SAXO4: variants seen among roughly 807,000 people sequenced by gnomAD.
The protein encoded by SAXO4 is protein phosphatase 1 regulatory subunit 32.
the SAXO4 span, chr11:61,490,814 G>A: frequency 3.4e-4 from 197 of 574,076 alleles, no homozygotes; most frequent in Middle Eastern, 2.8e-3. Flanking sequence ...TCCTCTACAG[G>A]TTTGTCAATC....
At chr11:61,485,264 C>T in the SAXO4 span, 1 of 1,355,520 alleles carries the variant, frequency 7.4e-7, no homozygotes. Context: ...ACCGAGGCGC[C>T]ACTCCACCGC....
chr11:61,486,355 A>G, the SAXO4 span: 3 of 1,613,908 alleles, frequency 1.9e-6, no homozygotes, highest in Non-Finnish European at 2.5e-6. Flanking sequence ...CCCTCCTCCC[A>G]GGCCAGAGTG....
chr11:61,484,731 C>A, the SAXO4 span: 1 of 1,613,696 alleles, frequency 6.2e-7, no homozygotes, highest in African/African-American at 1.3e-5. Flanking sequence ...GGGCCTCAGG[C>A]CATCACGGGG....
At chr11:61,490,014 T>C in the SAXO4 span, 11 of 1,452,940 alleles carry the variant, frequency 7.6e-6, no homozygotes, top group Admixed American at 5.9e-5. Flanking sequence ...GGCCTTTCCC[T>C]TCCTCTCCTC....
the SAXO4 span, chr11:61,484,904 G>T: frequency 6.9e-7 from 1 of 1,453,108 alleles, no homozygotes; most frequent in South Asian, 1.4e-5. Context: ...GTATTGCACT[G>T]ACTCACCCAA....
At chr11:61,481,401 C>T in the SAXO4 span, among the ~76,000 whole-genome samples, 5 of 152,106 alleles carry the variant, frequency 3.3e-5, no homozygotes, top group Admixed American at 1.3e-4. Context: ...AGTGGGTTGT[C>T]GGCTCATTCA....
At chr11:61,487,008 C>T in the SAXO4 span, 13 of 1,614,114 alleles carry the variant, frequency 8.1e-6, no homozygotes, top group East Asian at 4.5e-5. Context: ...GCCACTTCAT[C>T]GGATGCAACA....
At chr11:61,488,008 A>T in the SAXO4 span, among the ~76,000 whole-genome samples, 1 of 143,154 alleles carries the variant, frequency 7.0e-6, no homozygotes, top group African/African-American at 2.6e-5. Flanking sequence ...TTTTTTTGAG[A>T]TGGAGTTTCA....
the SAXO4 span, chr11:61,485,721 C>A: frequency 8.9e-7 from 1 of 1,118,542 alleles, no homozygotes; most frequent in Non-Finnish European, 1.3e-6. Flanking sequence ...CCCTCTGCAC[C>A]TGCTGGGACA....
the SAXO4 span, chr11:61,489,672 G>C: frequency 8.7e-7 from 1 of 1,153,438 alleles, no homozygotes; most frequent in East Asian, 2.3e-5. Flanking sequence ...AGGACAGCAT[G>C]AGCAAAGGTG....
At chr11:61,487,307 A>G in the SAXO4 span, 16 of 1,315,990 alleles carry the variant, frequency 1.2e-5, no homozygotes, top group Admixed American at 2.4e-4. Flanking sequence ...GGGATAAGTA[A>G]TGAGCTCACA....
the SAXO4 span, chr11:61,484,683 C>T: frequency 3.7e-6 from 6 of 1,613,286 alleles, no homozygotes; most frequent in Non-Finnish European, 5.1e-6. Flanking sequence ...CCTTCTTCCT[C>T]CCAGGTCCGG....
At chr11:61,489,507 G>T in the SAXO4 span, 1 of 577,044 alleles carries the variant, frequency 1.7e-6, no homozygotes, top group Non-Finnish European at 3.1e-6. Context: ...ATGAGACGGG[G>T]TCCCCACCCC....
At chr11:61,485,500 C>A in the SAXO4 span, 1 of 1,088,862 alleles carries the variant, frequency 9.2e-7, no homozygotes, top group Non-Finnish European at 1.3e-6. Context: ...ACTGAGAAGG[C>A]ACCAGTGGAA....
the SAXO4 span, chr11:61,486,303 T>C: frequency 1.2e-6 from 2 of 1,608,666 alleles, no homozygotes; most frequent in African/African-American, 1.3e-5. Flanking sequence ...GGGCCCAGGC[T>C]GCCTCTGCGG....
the SAXO4 span, chr11:61,485,283 G>C: frequency 3.3e-6 from 5 of 1,530,746 alleles, no homozygotes; most frequent in Non-Finnish European, 2.7e-6. Flanking sequence ...GCCGCCACAC[G>C]CCTTCGGGGC....
At chr11:61,484,980 T>C in the SAXO4 span, among the ~76,000 whole-genome samples, 2 of 152,192 alleles carry the variant, frequency 1.3e-5, no homozygotes, top group Non-Finnish European at 2.9e-5. Context: ...TGATATTGGC[T>C]ATTTCCAAAA....
chr11:61,488,080 G>T, the SAXO4 span, among the ~76,000 whole-genome samples: 8 of 150,632 alleles, frequency 5.3e-5, no homozygotes, highest in Admixed American at 5.3e-4. Flanking sequence ...TTCGCCTCAT[G>T]GGTTCAAGTG....
At chr11:61,489,694 C>T in the SAXO4 span, 15 of 1,392,598 alleles carry the variant, frequency 1.1e-5, no homozygotes, top group South Asian at 4.6e-5. Flanking sequence ...GGAGGCTGGG[C>T]GATCTGAGGG....
Sources: gnomAD v4.1 joint callset for allele counts (sites outside exome capture counted in the v4.1 genomes callset) on GRCh38, gnomAD v4.1.1 for gene constraint, MANE v1.5 for transcripts, NCBI Gene and HGNC (gene_info 2026-07-23, HGNC 2026-07-21) for gene names.